Variants in FUT8 observed in about 807,000 individuals in gnomAD.
FUT8 encodes the protein alpha-(1,6)-fucosyltransferase.
Under a neutral mutation model 71.3 loss-of-function variants are expected in FUT8, and 29 were observed. The ratio of observed to expected loss-of-function variants is 0.41; its 90% CI spans 0.30 to 0.55. FUT8 has a LOEUF of 0.55. Among genes scored for constraint, FUT8 ranks in the 20% least tolerant of loss-of-function variants. The pLI, the probability that FUT8 is intolerant of heterozygous loss-of-function variation, is 0.34. For synonymous variants in FUT8, 254 were observed against 239.3 expected (o/e 1.06, Z -0.57); for missense variants, 544 against 702.1 (o/e 0.77, Z 2.55).
At chr14:65,526,958 G>C (rs975806040) in intron 2 of FUT8, among the ~76,000 whole-genome samples, 9 of 152,178 alleles carry the variant, frequency 5.9e-5, no homozygotes, top group Non-Finnish European at 1.2e-4. Context: ...GCTTCACTTT[G>C]TGGGTAACCC....
At chr14:65,641,743 T>C (rs117952564) in intron 6 of FUT8, among the ~76,000 whole-genome samples, 1,783 of 130,506 alleles carry the variant, frequency 0.014, 16 homozygotes, top group Non-Finnish European at 0.022. Flanking sequence ...TTTTTTTTTG[T>C]GTGTATGTGG....
At chr14:65,409,800 T>G (rs2065103819), upstream of FUT8, among the ~76,000 whole-genome samples, 1 of 152,274 alleles carries the variant, frequency 6.6e-6, no homozygotes, top group African/African-American at 2.4e-5. This position sits in a 1 kb window ranked among gnomAD's most constrained non-coding sequence, Gnocchi z 5.4. Context: ...AAGGCCCTGT[T>G]ACTTGTTGTA....
At chr14:65,455,222 G>A (rs181305912) in intron 1 of FUT8, among the ~76,000 whole-genome samples, 11 of 152,310 alleles carry the variant, frequency 7.2e-5, no homozygotes, top group Non-Finnish European at 1.6e-4. Context: ...GTAGCTAACC[G>A]AGGTGTCATA....
intron 1 of FUT8, among the ~76,000 whole-genome samples, chr14:65,422,984 C>CTTTTT (rs34536679): frequency 3.9e-5 from 5 of 127,422 alleles, no homozygotes; most frequent in African/African-American, 9.0e-5. Flanking sequence ...TTCTTTCTTT[C>CTTTTT]TTTTTTTTTT....
At chr14:65,526,405 C>T (rs759979399) in intron 2 of FUT8, among the ~76,000 whole-genome samples, 109 of 151,780 alleles carry the variant, frequency 7.2e-4, no homozygotes, top group Non-Finnish European at 1.4e-3. Context: ...TTTTGTTTTC[C>T]ATTTGCTTGG....
chr14:65,723,218 G>A (rs1026686241), intron 8 of FUT8, among the ~76,000 whole-genome samples: 1 of 151,776 alleles, frequency 6.6e-6, no homozygotes, highest in African/African-American at 2.4e-5. Flanking sequence ...CCAGCTGTTC[G>A]GGAGGCTGAG....
At chr14:65,501,146 G>A (rs1463644429) in intron 2 of FUT8, among the ~76,000 whole-genome samples, 1 of 152,172 alleles carries the variant, frequency 6.6e-6, no homozygotes, top group African/African-American at 2.4e-5. Flanking sequence ...AAATACTCGA[G>A]GCAGGAGGAT....
At chr14:65,549,717 A>G (rs1440520520) in intron 2 of FUT8, among the ~76,000 whole-genome samples, 1 of 152,170 alleles carries the variant, frequency 6.6e-6, no homozygotes, top group Admixed American at 6.5e-5. Flanking sequence ...TTTGTTCACA[A>G]TAATAGTTAC....
intron 2 of FUT8, among the ~76,000 whole-genome samples, chr14:65,538,196 G>A (rs1054586040): frequency 6.6e-6 from 1 of 152,144 alleles, no homozygotes; most frequent in East Asian, 1.9e-4. Flanking sequence ...ACCACTTCTC[G>A]AAGCAGCTTT....
intron 9 of FUT8, 119 bp downstream of exon 9, chr14:65,724,442 A>G: frequency 1.6e-6 from 1 of 636,484 alleles, no homozygotes; most frequent in Non-Finnish European, 2.7e-6. Context: ...AGGGTTTTAA[A>G]AATTCAATGG....
In FUT8 at chr14:65,721,274, A is replaced by G. The variant is rs74056807; in HGVS notation, c.836-501A>G. Among the ~76,000 whole-genome samples the G allele has an allele frequency of 8.5e-3, 1,287 of 152,032 alleles. 14 individuals are homozygous for G. Among genetic ancestry groups the G allele is most frequent in the African/African-American group, 0.025 (1,053 of 41,456 alleles). ...AAAAAAAAGATTTTAGAATTATCTA[A>G]TTTTTTTCTTTAAAAGATGTAGATG... On this transcript the variant is annotated intron_variant, in intron 7 of 10. Transcript: ENST00000673929.
At chr14:65,412,140 T>C (rs1241201805), upstream of FUT8, 2 of 456,412 alleles carry the variant, frequency 4.4e-6, no homozygotes, top group Non-Finnish European at 8.8e-6. Flanking sequence ...GGGGGGGGTC[T>C]TTCTCTTCGA....
intron 10 of FUT8, among the ~76,000 whole-genome samples, chr14:65,734,928 C>G (rs1407677569): frequency 6.6e-6 from 1 of 152,150 alleles, no homozygotes; most frequent in Non-Finnish European, 1.5e-5. Flanking sequence ...AGCAGCATCC[C>G]TGGCCAGTAA....
chr14:65,369,412 TG>T, the FUT8 span, among the ~76,000 whole-genome samples: 1 of 152,196 alleles, frequency 6.6e-6, no homozygotes, highest in Admixed American at 6.5e-5. The surrounding 1 kb of genome is among the most constrained non-coding windows in gnomAD (Gnocchi z 4.6). Context: ...GACTTCATCT[TG>T]TATAGGGGCT....
rs542312045 is a variant in FUT8 at position 65,549,632 on chromosome 14, G to C, written c.-227-11705G>C. Among the ~76,000 whole-genome samples the C allele has an allele frequency of 1.4e-4, 21 of 152,282 alleles. No homozygotes were observed. The East Asian group carries it at 3.9e-3, about 28-fold the overall frequency. On this transcript the variant is annotated intron_variant, in intron 2 of 10. Coordinates refer to ENST00000673929, the MANE Select transcript of FUT8 (RefSeq NM_001371533.1). ...CAGATTTCCAACTGGCCCCAAAACGGATATTGTAAATGGCTTTTTGCCTAA... is the reference window on the plus strand; with the variant it reads ...CAGATTTCCAACTGGCCCCAAAACGCATATTGTAAATGGCTTTTTGCCTAA...
intron 6 of FUT8, among the ~76,000 whole-genome samples, chr14:65,649,689 CTA>C (rs993968791): frequency 6.6e-6 from 1 of 152,126 alleles, no homozygotes; most frequent in African/African-American, 2.4e-5. Flanking sequence ...TAAGTTTTCA[CTA>C]TGAGAGTTCA....
chr14:65,709,043 G>A (rs1376930671), intron 7 of FUT8, among the ~76,000 whole-genome samples: 3 of 151,976 alleles, frequency 2.0e-5, no homozygotes, highest in Non-Finnish European at 4.4e-5. Context: ...TGAAATAATG[G>A]GTATGTTAAT....
At chr14:65,358,157 CTA>C in the FUT8 span, among the ~76,000 whole-genome samples, 1 of 152,010 alleles carries the variant, frequency 6.6e-6, no homozygotes, top group Non-Finnish European at 1.5e-5. Flanking sequence ...ACGATGCAGT[CTA>C]TGTTTCAAGA....
At chr14:65,633,930 C>G (rs1297568836) in intron 6 of FUT8, among the ~76,000 whole-genome samples, 1 of 151,566 alleles carries the variant, frequency 6.6e-6, no homozygotes, top group Non-Finnish European at 1.5e-5. Flanking sequence ...CTGCCCCGTC[C>G]GGGAGGGAGG....
Sources: allele counts gnomAD v4.1 joint callset (sites outside exome capture counted in the v4.1 genomes callset), GRCh38; gene constraint gnomAD v4.1.1; non-coding constraint Gnocchi (gnomAD v3.1); transcripts MANE v1.5; gene names NCBI Gene and HGNC (gene_info 2026-07-23, HGNC 2026-07-21).